Variants in ICA1L observed in about 807,000 individuals in gnomAD.
The protein encoded by ICA1L is islet cell autoantigen 1-like protein.
Under a neutral mutation model 61.3 loss-of-function variants are expected in ICA1L, and 50 were observed. That is an observed-to-expected ratio of 0.82 (90% CI 0.65 to 1.03). ICA1L has a LOEUF of 1.03. Ranked by LOEUF, ICA1L falls within the 50% of genes least tolerant of loss-of-function variation. The pLI, the probability that ICA1L is intolerant of heterozygous loss-of-function variation, is 0.00. For missense variants in ICA1L, 508 were observed against 556.7 expected (o/e 0.91, Z 0.88); for synonymous variants, 161 against 191.3 (o/e 0.84, Z 1.31).
intron 1 of ICA1L, chr2:202,869,415 G>A (rs1379435912): frequency 1.3e-5 from 2 of 152,110 alleles, no homozygotes; most frequent in Non-Finnish European, 2.9e-5. Flanking sequence ...AAACACAAGT[G>A]CAGGCTATAT....
At chr2:202,839,639 T>C (rs1347619194) in intron 1 of ICA1L, among the ~76,000 whole-genome samples, 1 of 148,514 alleles carries the variant, frequency 6.7e-6, no homozygotes, top group Non-Finnish European at 1.5e-5. Context: ...TTTTTTAACC[T>C]ATTCAGCCAG....
At chr2:202,843,396 T>G (rs560889154) in intron 1 of ICA1L, among the ~76,000 whole-genome samples, 1 of 152,200 alleles carries the variant, frequency 6.6e-6, no homozygotes. Context: ...CAGGGATCCA[T>G]AGCAACCAAC....
At chr2:202,856,059 C>T (rs1156306654) in intron 1 of ICA1L, among the ~76,000 whole-genome samples, 8 of 124,298 alleles carry the variant, frequency 6.4e-5, no homozygotes, top group Admixed American at 2.0e-4. Context: ...GGTGACAAAG[C>T]GAGACTCCGT....
intron 9 of ICA1L, among the ~76,000 whole-genome samples, chr2:202,798,985 T>C (rs1486302828): frequency 1.3e-5 from 2 of 151,816 alleles, no homozygotes; most frequent in Non-Finnish European, 2.9e-5. Context: ...GGTATTCCAT[T>C]GTGTATATAT....
chr2:202,792,790 T>A (rs1033539280), intron 10 of ICA1L, among the ~76,000 whole-genome samples: 5 of 151,802 alleles, frequency 3.3e-5, no homozygotes, highest in African/African-American at 1.2e-4. Flanking sequence ...GGCGACAGAG[T>A]GAGACTCGGC....
intron 1 of ICA1L, among the ~76,000 whole-genome samples, chr2:202,834,597 T>C (rs1407534415): frequency 2.0e-5 from 3 of 152,060 alleles, no homozygotes; most frequent in Non-Finnish European, 4.4e-5. Flanking sequence ...CACTGCACTC[T>C]AGCCTGGGTG....
At chr2:202,862,492 A>G (rs1694948575) in intron 1 of ICA1L, among the ~76,000 whole-genome samples, 2 of 152,062 alleles carry the variant, frequency 1.3e-5, no homozygotes, top group Non-Finnish European at 2.9e-5. Flanking sequence ...AACAGGAATC[A>G]ATATCAATTG....
Position 202,773,730 on chromosome 2 carries a change from A to G in ICA1L, c.*5803T>C, listed in dbSNP as rs551516845. The stretch of plus-strand genomic sequence containing the variant: ...TTGACTCTAGTTGCATCAGTTATGC[A>G]TGAAGAGTTTAATAACCATCCAGGT... On this transcript the variant is annotated 3_prime_UTR_variant, in exon 13 of 13. Transcript: ENST00000358299. 2.4e-4 allele frequency: 294 copies of G among 1,221,914 alleles called. No individual in the cohort carries two copies. The highest frequency in any genetic ancestry group is 3.5e-4 in the Non-Finnish European group (289 of 829,056). 75.7% of individuals were successfully genotyped at this position (1,221,914 alleles called of 1,614,324 possible).
At chr2:202,831,121 C>A (rs1194147953) in intron 1 of ICA1L, among the ~76,000 whole-genome samples, 1 of 152,132 alleles carries the variant, frequency 6.6e-6, no homozygotes, top group Non-Finnish European at 1.5e-5. Flanking sequence ...GTAAAGTCCA[C>A]AAAGTGGCCA....
intron 7 of ICA1L, 128 bp downstream of exon 7, chr2:202,815,783 G>A: frequency 1.9e-6 from 1 of 523,518 alleles, no homozygotes. Flanking sequence ...ACCCTTGGCT[G>A]AAGGAAAATG....
chr2:202,794,376 T>C (rs1300764820), intron 10 of ICA1L, among the ~76,000 whole-genome samples: 1 of 149,954 alleles, frequency 6.7e-6, no homozygotes, highest in East Asian at 2.0e-4. Context: ...TCAACAACCA[T>C]TCCTAATAAA....
chr2:202,782,056 A>T (rs1005984161), intron 12 of ICA1L, among the ~76,000 whole-genome samples: 1 of 152,164 alleles, frequency 6.6e-6, no homozygotes, highest in Non-Finnish European at 1.5e-5. Flanking sequence ...TAAAATTTTC[A>T]ATTTTATGGC....
intron 9 of ICA1L, among the ~76,000 whole-genome samples, chr2:202,803,379 C>T (rs772101606): frequency 3.8e-4 from 44 of 115,178 alleles, no homozygotes; most frequent in South Asian, 1.4e-3. Flanking sequence ...CCAGCCTGGG[C>T]GACAGAGCAA....
At chr2:202,815,831 TAAAA>T in intron 7 of ICA1L, 76 bp downstream of exon 7, 1 of 696,124 alleles carries the variant, frequency 1.4e-6, no homozygotes, top group Non-Finnish European at 2.1e-6. Context: ...TAACCTTGGT[TAAAA>T]AAAAAAAAAG....
At position 202,774,066 on chromosome 2, in the gene ICA1L, A is replaced by C. The variant is rs893569236; in HGVS notation, c.*5467T>G. 123 of 986,366 alleles carry C rather than the reference A, an allele frequency of 1.2e-4. 1 individual carries two copies. Among genetic ancestry groups the C allele is most frequent in the South Asian group, 2.8e-4 (19 of 67,614 alleles). 61.1% of individuals were successfully genotyped at this position (986,366 alleles called of 1,614,324 possible). On this transcript the variant is annotated 3_prime_UTR_variant, in exon 13 of 13. Coordinates refer to ENST00000358299, the MANE Select transcript of ICA1L (RefSeq NM_001288622.3). The stretch of plus-strand genomic sequence containing the variant: ...TCTTGCTTCTTTGATGTGTCATCCT[A>C]GCTGCCTAATATGATAATATTAGGA...
intron 1 of ICA1L, among the ~76,000 whole-genome samples, chr2:202,859,810 A>C (rs1694862938): frequency 6.6e-6 from 1 of 152,202 alleles, no homozygotes; most frequent in Admixed American, 6.6e-5. Context: ...AATAATCATT[A>C]TACCTATAGA....
rs372120476 is a variant in ICA1L at position 202,779,483 on chromosome 2, C to T, written c.*50G>A. Reference sequence around the variant, plus strand: ...CTAAATCCTTTCCACGAAGGAAATACGTTGCAAAATTGATGTCTCAAGGCC... The same window carrying T: ...CTAAATCCTTTCCACGAAGGAAATATGTTGCAAAATTGATGTCTCAAGGCC... On this transcript the variant is annotated 3_prime_UTR_variant, in exon 13 of 13. Transcript: ENST00000358299. 1.5e-5 allele frequency: 16 copies of T among 1,095,314 alleles called. No homozygotes were observed. The highest frequency in any genetic ancestry group is 6.3e-5 in the African/African-American group (4 of 63,880). 67.8% of individuals were successfully genotyped at this position (1,095,314 alleles called of 1,614,324 possible).
At chr2:202,861,214 G>A (rs151107026) in intron 1 of ICA1L, among the ~76,000 whole-genome samples, 119 of 151,658 alleles carry the variant, frequency 7.8e-4, no homozygotes, top group African/African-American at 2.4e-3. Context: ...GGGACAGGGC[G>A]AGACTCCATT....
intron 8 of ICA1L, among the ~76,000 whole-genome samples, chr2:202,813,676 T>C (rs1574347089): frequency 1.3e-5 from 2 of 152,186 alleles, no homozygotes; most frequent in Admixed American, 1.3e-4. Flanking sequence ...AGTATATGGT[T>C]TATCACTGTT....
Sources: gnomAD v4.1 joint callset for allele counts (sites outside exome capture counted in the v4.1 genomes callset) on GRCh38, gnomAD v4.1.1 for gene constraint, MANE v1.5 for transcripts, NCBI Gene and HGNC (gene_info 2026-07-23, HGNC 2026-07-21) for gene names.